The following TMEM94 variants were observed in gnomAD, a reference collection of about 807,000 sequenced individuals.
The protein encoded by TMEM94 is transmembrane protein 94.
Under a neutral mutation model 158.6 loss-of-function variants are expected in TMEM94, and 81 were observed. That is an observed-to-expected ratio of 0.51 (90% confidence interval 0.43 to 0.61). The LOEUF is 0.61. TMEM94 is among the 20% of genes least tolerant of loss of function. The pLI is 0.00. For missense variants in TMEM94, 1,435 were observed against 1,762.0 expected (o/e 0.81, Z 3.32); for synonymous variants, 751 against 730.7 (o/e 1.03, Z -0.45).
In TMEM94 at chr17:75,482,682, G is replaced by A. The variant is rs138700730; in HGVS notation, c.25-2746G>A. On this transcript the variant is annotated intron_variant, in intron 2 of 31. Coordinates refer to ENST00000314256, the MANE Select transcript of TMEM94 (RefSeq NM_014738.6). ...TGGTGTCTAAGATTTTGGGCTGACA[G>A]TCCCGATTAAGGTGAAGCCTTGACT... Among the ~76,000 whole-genome samples the A allele has an allele frequency of 3.3e-3, 505 of 152,322 alleles. 6 individuals carry two copies. The highest frequency in any genetic ancestry group is 0.011 in the African/African-American group (471 of 41,566).
At position 75,485,265 on chromosome 17, in the gene TMEM94, G is replaced by A. The variant is rs2146544965; in HGVS notation, c.25-163G>A. 1.5e-6 allele frequency: 1 copy of A among 678,646 alleles called. No homozygotes were observed. Among genetic ancestry groups the A allele is most frequent in the Admixed American group, 2.9e-5 (1 of 34,366 alleles). The allele number at this position is 678,646 out of a possible 1,614,324, so 42.0% of individuals were successfully genotyped here. On this transcript the variant is annotated intron_variant, in intron 2 of 31. Coordinates refer to ENST00000314256, the MANE Select transcript of TMEM94 (RefSeq NM_014738.6). This position sits in a 1 kb window ranked among gnomAD's most constrained non-coding sequence, Gnocchi z 5.5. ...GAACAGTTTGTAATTTGGTGGAGATGGACATGGTCACACCTTGAGAGGCCA... is the reference window on the plus strand; with the variant it reads ...GAACAGTTTGTAATTTGGTGGAGATAGACATGGTCACACCTTGAGAGGCCA...
chr17:75,483,731 C>T (rs1452442170), intron 2 of TMEM94, among the ~76,000 whole-genome samples: 1 of 152,120 alleles, frequency 6.6e-6, no homozygotes, highest in Non-Finnish European at 1.5e-5. Flanking sequence ...TCCCAAAGTG[C>T]TGGGATTACA....
At chr17:75,460,335 G>A (rs2050022527) in intron 1 of TMEM94, among the ~76,000 whole-genome samples, 1 of 152,176 alleles carries the variant, frequency 6.6e-6, no homozygotes, top group South Asian at 2.1e-4. Context: ...TACCAGTCTT[G>A]CTTGGTAGGG....
In TMEM94 at chr17:75,489,177, G is replaced by A. The variant is rs1598400195; in HGVS notation, c.765-89G>A. On this transcript the variant is annotated intron_variant, in intron 7 of 31. Coordinates refer to ENST00000314256, the MANE Select transcript of TMEM94 (RefSeq NM_014738.6). The surrounding 1 kb of genome is among the most constrained non-coding windows in gnomAD (Gnocchi z 5.0). ...CAGGACTCACGGTGCTTGAAGAAGC[G>A]GTATCTGGCAGAGAGGCCCAGAATC... 8.7e-6 allele frequency: 11 copies of A among 1,264,510 alleles called. No individual in the cohort carries two copies. Among genetic ancestry groups the A allele is most frequent in the East Asian group, 4.8e-5 (2 of 41,984 alleles). The allele number at this position is 1,264,510 out of a possible 1,614,324, so 78.3% of individuals were successfully genotyped here. A position where few individuals can be genotyped will look rare whatever the true frequency, so the allele number is the denominator to read the frequency against.
rs750899192 is a variant in TMEM94 at position 75,492,978 on chromosome 17, G to A, written c.1962G>A (p.Ala654=). The A allele has an allele frequency of 2.4e-5, 38 of 1,613,658 alleles. No individual in the cohort carries two copies. Among genetic ancestry groups the A allele is most frequent in the Admixed American group, 3.3e-5 (2 of 60,008 alleles). ...TTTTCAAGCAGGAGAACCATCTGGC[G>A]CTGTACCGCCTCCCCAGTGCCGAGA... ...KELFKQENHL[A]LYRLPSAETM... The change falls in exon 16 of 32, where the codon GCG becomes GCA. Residue 654 remains alanine (A), a synonymous_variant. Coordinates refer to ENST00000314256, the MANE Select transcript of TMEM94 (RefSeq NM_014738.6). This position sits in a 1 kb window ranked among gnomAD's most constrained non-coding sequence, Gnocchi z 4.4.
chr17:75,493,243 C>A, intron 16 of TMEM94, 141 bp downstream of exon 16: 1 of 1,018,246 alleles, frequency 9.8e-7, no homozygotes. Flanking sequence ...TCTGGCAGGG[C>A]TGGAATTGGG....
rs752331870 is a variant in TMEM94, at chr17:75,466,711, G to T, written c.-106-5089G>T. Among the ~76,000 whole-genome samples the T allele has an allele frequency of 2.0e-5, 3 of 152,090 alleles. No homozygotes were observed. The East Asian group carries it at 5.8e-4, about 30-fold the overall frequency. ...TGGACACCTGTAATCCCAGCTGTTC[G>T]GGAGGCTGAGGCAGGAGAATCACTT... On this transcript the variant is annotated intron_variant, in intron 1 of 31. Transcript: ENST00000314256.
At chr17:75,460,555 C>A (rs2050030481) in intron 1 of TMEM94, among the ~76,000 whole-genome samples, 1 of 149,116 alleles carries the variant, frequency 6.7e-6, no homozygotes, top group South Asian at 2.1e-4. Context: ...GCTCTGTAGC[C>A]CATGTTGGAG....
chr17:75,495,327 G>A lies in TMEM94; in HGVS notation c.2772G>A (p.Glu924=), dbSNP rs369370569. Reference sequence around the variant, plus strand: ...AAGGGCTCCTCCTCATGGAGGAGGAGGGCCACTCGGACCTCATCAGCTTCC... The same window carrying A: ...AAGGGCTCCTCCTCATGGAGGAGGAAGGCCACTCGGACCTCATCAGCTTCC... ...DAEGLLLMEE[E]GHSDLISFQP... Residue 924 remains glutamate, a synonymous_variant, in exon 21 of 32, where the codon GAG becomes GAA. Transcript: ENST00000314256. This position sits in a 1 kb window ranked among gnomAD's most constrained non-coding sequence, Gnocchi z 5.6. The A allele has an allele frequency of 3.6e-5, 58 of 1,613,788 alleles. No homozygotes were observed. The East Asian group carries it at 1.1e-3, about 32-fold the overall frequency.
In TMEM94 at chr17:75,493,446, A is replaced by C. The variant is rs766610735; in HGVS notation, c.2087-45A>C. ...GTGCGTTGCCTGTCAGGTCAGCGTGAGGGGGCTGGTTAGCGACACTCAGGG... is the reference window on the plus strand; with the variant it reads ...GTGCGTTGCCTGTCAGGTCAGCGTGCGGGGGCTGGTTAGCGACACTCAGGG... On this transcript the variant is annotated intron_variant, in intron 16 of 31. Transcript: ENST00000314256. The C allele has an allele frequency of 8.9e-6, 14 of 1,581,810 alleles. No homozygotes were observed. The Admixed American group carries it at 2.3e-4, about 26-fold the overall frequency.
In TMEM94 at chr17:75,494,500, G is replaced by A. The variant is rs1454873287; in HGVS notation, c.2408-127G>A. 11 of 850,812 alleles carry A rather than the reference G, an allele frequency of 1.3e-5. No homozygotes were observed. In the East Asian group the frequency reaches 1.3e-4, roughly 10 times the overall value. The allele number at this position is 850,812 out of a possible 1,614,324, so 52.7% of individuals were successfully genotyped here. ...CCTGTGTCTGTCGGCTCCTTCGTGT[G>A]TCTTGGCTGTGTGTGGTCCCCTGGG... On this transcript the variant is annotated intron_variant, in intron 18 of 31. Coordinates refer to ENST00000314256, the MANE Select transcript of TMEM94 (RefSeq NM_014738.6).
rs2052438977 is a variant in TMEM94, at chr17:75,493,862, C to G, written c.2353C>G (p.Pro785Ala). ...QSSIFTMCEL[P>A]STIPIKQNAR... ...CAGCATCTTCACCATGTGCGAGCTG[C>G]CCAGCACCATCCCCATCAAGCAGAA... Residue 785 changes from proline to alanine, a missense_variant, in exon 18 of 32, where the codon CCC (proline) becomes GCC (alanine). Physicochemically the swap from Pro to Ala is conservative, Grantham distance 27. Coordinates refer to ENST00000314256, the MANE Select transcript of TMEM94 (RefSeq NM_014738.6). 6.2e-7 allele frequency: 1 copy of G among 1,613,002 alleles called. No individual in the cohort carries two copies. Among genetic ancestry groups the G allele is most frequent in the Non-Finnish European group, 8.5e-7 (1 of 1,180,022 alleles).
chr17:75,474,422 C>T (rs1483354918), intron 2 of TMEM94, among the ~76,000 whole-genome samples: 2 of 152,158 alleles, frequency 1.3e-5, no homozygotes. Flanking sequence ...GGGCAGATCA[C>T]CTAAGGTCAG....
chr17:75,458,402 G>C (rs2049956940), intron 1 of TMEM94, among the ~76,000 whole-genome samples: 1 of 152,128 alleles, frequency 6.6e-6, no homozygotes, highest in South Asian at 2.1e-4. Flanking sequence ...AAAATTTAAA[G>C]CAATGGCACT....
In TMEM94 at chr17:75,494,695, A is replaced by C; in HGVS notation, c.2476A>C (p.Met826Leu). 6.2e-7 allele frequency: 1 copy of C among 1,613,746 alleles called. No homozygotes were observed. The highest frequency in any genetic ancestry group is 8.5e-7 in the Non-Finnish European group (1 of 1,180,018). The change falls in exon 19 of 32, where the codon ATG (methionine) becomes CTG (leucine). Residue 826 changes from methionine (M) to leucine (L), a missense_variant. Physicochemically the swap from Met to Leu is conservative, Grantham distance 15 (BLOSUM62 2). This residue lies in a region of TMEM94 where 1,051 missense variants were observed against 1,254.4 expected (regional missense o/e 0.84). Transcript: ENST00000314256. The stretch of plus-strand genomic sequence containing the variant: ...CCTGAGCGGCCAGATCTTCATGGGC[A>C]TGGTGTCCTCCCAGTACCAGGCCCG... ...QALSGQIFMG[M>L]VSSQYQARLD...
chr17:75,498,589 C>T lies in TMEM94; in HGVS notation c.3734-40C>T, dbSNP rs777230749. 1.2e-6 allele frequency: 2 copies of T among 1,613,042 alleles called. No homozygotes were observed. The highest frequency in any genetic ancestry group is 3.3e-5 in the Admixed American group (2 of 59,886). On this transcript the variant is annotated intron_variant, in intron 29 of 31. Coordinates refer to ENST00000314256, the MANE Select transcript of TMEM94 (RefSeq NM_014738.6). The surrounding 1 kb of genome is among the most constrained non-coding windows in gnomAD (Gnocchi z 6.7). The stretch of plus-strand genomic sequence containing the variant: ...GGATGATGGTGGGAGAGGAGCCCCA[C>T]TGTGGAAGTCTGACCCCCACATCGC...
intron 1 of TMEM94, among the ~76,000 whole-genome samples, chr17:75,468,057 G>A (rs1271548316): frequency 1.3e-5 from 2 of 152,152 alleles, no homozygotes; most frequent in Non-Finnish European, 2.9e-5. Flanking sequence ...AGACACTGAG[G>A]CTCAGAGGGA....
At chr17:75,458,660 A>G (rs771432960) in intron 1 of TMEM94, among the ~76,000 whole-genome samples, 14 of 148,874 alleles carry the variant, frequency 9.4e-5, no homozygotes, top group Non-Finnish European at 1.8e-4. Context: ...CACTGCACTC[A>G]CTCTAGCCTG....
At position 75,499,619 on chromosome 17, in the gene TMEM94, C is replaced by T. The variant is rs1262716848; in HGVS notation, c.*285C>T. The stretch of plus-strand genomic sequence containing the variant: ...GGCGCTCCCTAGAGGGGCCCTAAAC[C>T]CCCTCACCTGTGAGCTACCCCCTTT... On this transcript the variant is annotated 3_prime_UTR_variant, in exon 32 of 32. Transcript: ENST00000314256. 4.4e-6 allele frequency: 2 copies of T among 454,736 alleles called. No individual in the cohort carries two copies. Among genetic ancestry groups the T allele is most frequent in the Non-Finnish European group, 7.9e-6 (2 of 253,318 alleles). 28.2% of individuals were successfully genotyped at this position (454,736 alleles called of 1,614,324 possible).
Sources: allele counts gnomAD v4.1 joint callset (sites outside exome capture counted in the v4.1 genomes callset), GRCh38; gene constraint gnomAD v4.1.1; regional missense constraint gnomAD v4.1.1; non-coding constraint Gnocchi (gnomAD v3.1); transcripts MANE v1.5; gene names NCBI Gene and HGNC (gene_info 2026-07-23, HGNC 2026-07-21).